BAIAP2L1: variants seen among roughly 807,000 people sequenced by gnomAD.
BAIAP2L1 encodes the protein BAR/IMD domain-containing adapter protein 2-like 1.
Under a neutral mutation model 66.3 loss-of-function variants are expected in BAIAP2L1, and 35 were observed. The observed-to-expected ratio is 0.53, with a 90% CI of 0.40 to 0.70. The LOEUF (loss-of-function observed/expected upper bound fraction) is 0.70. Ranked by LOEUF, BAIAP2L1 falls within the 30% of genes least tolerant of loss-of-function variation. The pLI, the probability that BAIAP2L1 is intolerant of heterozygous loss-of-function variation, is 0.00. For synonymous variants in BAIAP2L1, 269 were observed against 248.7 expected, an observed-to-expected ratio of 1.08 and a Z score of -0.77; for missense variants, 622 against 656.9, an observed-to-expected ratio of 0.95 and a Z score of 0.58.
In BAIAP2L1 at chr7:98,386,453, A is replaced by C. The variant is rs1229486908; in HGVS notation, c.51+14349T>G. On this transcript the variant is annotated intron_variant, in intron 1 of 13. Coordinates refer to ENST00000005260, the MANE Select transcript of BAIAP2L1 (RefSeq NM_018842.5). ...GGGTCCTGGTGACGAGCGTCTTTCC[A>C]ATATTTCTTATACTGAACATAGCAG... 17 of 1,597,202 alleles carry C rather than the reference A, an allele frequency of 1.1e-5. No individual in the cohort carries two copies. In the South Asian group the frequency reaches 1.8e-4, roughly 17 times the overall value.
At chr7:98,348,816 C>T (rs185928329) in intron 3 of BAIAP2L1, among the ~76,000 whole-genome samples, 1 of 152,324 alleles carries the variant, frequency 6.6e-6, no homozygotes, top group East Asian at 1.9e-4. Context: ...GAGTAAATAA[C>T]CCACTGCCGA....
chr7:98,293,209 GTTA>G lies in BAIAP2L1; in HGVS notation c.*309_*311del, dbSNP rs1800043425. On this transcript the variant is annotated 3_prime_UTR_variant, in exon 14 of 14. Coordinates refer to ENST00000005260, the MANE Select transcript of BAIAP2L1 (RefSeq NM_018842.5). ...GCATAGACTATCCCTTATTCTGGCTGTTATTAAGGAAAAAATTCATTTAAAAAA... is the reference window on the plus strand; with the variant it reads ...GCATAGACTATCCCTTATTCTGGCTGTTAAGGAAAAAATTCATTTAAAAAA... 9.8e-6 allele frequency: 3 copies of G among 307,676 alleles called. No individual in the cohort carries two copies. Among genetic ancestry groups the G allele is most frequent in the South Asian group, 7.2e-5 (1 of 13,982 alleles). The allele number at this position is 307,676 out of a possible 1,614,324, so 19.1% of individuals were successfully genotyped here.
rs569265271 is a variant in BAIAP2L1, at chr7:98,298,283, G to A, written c.1423-4172C>T. Among the ~76,000 whole-genome samples the A allele has an allele frequency of 3.1e-4, 47 of 151,936 alleles. No individual in the cohort carries two copies. The South Asian group carries it at 5.2e-3, about 17-fold the overall frequency. ...GTGTCACACGACCTGTAACTCACAG[G>A]AGCTGGATATAAAACCATGTATAAA... is the stretch of plus-strand genomic sequence containing the variant. On this transcript the variant is annotated intron_variant, in intron 12 of 13. Transcript: ENST00000005260.
At chr7:98,343,493 T>C (rs571280319) in intron 3 of BAIAP2L1, among the ~76,000 whole-genome samples, 3 of 152,250 alleles carry the variant, frequency 2.0e-5, no homozygotes, top group African/African-American at 7.2e-5. Flanking sequence ...GATTAAAATA[T>C]GTTACTGGCC....
chr7:98,360,987 G>A (rs1210718447), intron 2 of BAIAP2L1, among the ~76,000 whole-genome samples: 1 of 152,160 alleles, frequency 6.6e-6, no homozygotes, highest in Admixed American at 6.6e-5. Flanking sequence ...CCCTTTCCTG[G>A]GGCAGGTTCA....
chr7:98,395,849 A>G (rs1803194068), intron 1 of BAIAP2L1, among the ~76,000 whole-genome samples: 1 of 152,106 alleles, frequency 6.6e-6, no homozygotes, highest in South Asian at 2.1e-4. Context: ...TGGGCAACAC[A>G]GTGAGACACC....
In BAIAP2L1 at chr7:98,354,737, C is replaced by G. The variant is rs369521891; in HGVS notation, c.214+305G>C. Among the ~76,000 whole-genome samples the G allele has an allele frequency of 5.9e-4, 90 of 152,252 alleles. 1 individual carries two copies. The South Asian group carries it at 0.017, about 29-fold the overall frequency. ...GCCCGAGGCCCCAGGAGGCCCGGCT[C>G]GCCCATCAGGAATGTAGGTCAAACT... On this transcript the variant is annotated intron_variant, in intron 3 of 13. Coordinates refer to ENST00000005260, the MANE Select transcript of BAIAP2L1 (RefSeq NM_018842.5).
At chr7:98,369,519 G>A (rs1485114831) in intron 1 of BAIAP2L1, among the ~76,000 whole-genome samples, 2 of 152,098 alleles carry the variant, frequency 1.3e-5, no homozygotes, top group Non-Finnish European at 2.9e-5. Context: ...GAGGCTGGGT[G>A]TAGGTAAAAA....
At chr7:98,343,717 T>C (rs1194080153) in intron 3 of BAIAP2L1, among the ~76,000 whole-genome samples, 1 of 152,170 alleles carries the variant, frequency 6.6e-6, no homozygotes, top group African/African-American at 2.4e-5. Context: ...ATTATCCCAA[T>C]TGAAGCAAGC....
chr7:98,302,465 C>A (rs749722310), intron 12 of BAIAP2L1, among the ~76,000 whole-genome samples: 1 of 152,214 alleles, frequency 6.6e-6, no homozygotes, highest in Non-Finnish European at 1.5e-5. Context: ...TGGACGTCCA[C>A]ACGTGCCTCC....
chr7:98,388,046 A>T (rs1292039617), intron 1 of BAIAP2L1, among the ~76,000 whole-genome samples: 1 of 152,174 alleles, frequency 6.6e-6, no homozygotes, highest in East Asian at 1.9e-4. Flanking sequence ...GGTAATAAAC[A>T]GATGAAAATC....
At chr7:98,339,822 C>G (rs1801697736) in intron 3 of BAIAP2L1, among the ~76,000 whole-genome samples, 1 of 152,172 alleles carries the variant, frequency 6.6e-6, no homozygotes, top group Non-Finnish European at 1.5e-5. Context: ...AGTTAGAAAT[C>G]CACACCTATT....
intron 3 of BAIAP2L1, among the ~76,000 whole-genome samples, chr7:98,340,959 G>GTTTTTTTTT (rs72057720): frequency 1.5e-5 from 2 of 129,564 alleles, no homozygotes; most frequent in Non-Finnish European, 3.2e-5. Flanking sequence ...CAGCTAATTG[G>GTTTTTTTTT]TTTTTTTTTT....
chr7:98,368,833 A>G (rs1802446269), intron 1 of BAIAP2L1, among the ~76,000 whole-genome samples: 1 of 150,430 alleles, frequency 6.6e-6, no homozygotes, highest in Admixed American at 6.7e-5. Context: ...GTAGCATTCC[A>G]TGGTATGGAT....
intron 1 of BAIAP2L1, among the ~76,000 whole-genome samples, chr7:98,397,295 G>A (rs1215943267): frequency 1.4e-5 from 2 of 144,314 alleles, no homozygotes; most frequent in African/African-American, 5.2e-5. Context: ...TGCCACACCC[G>A]TTCTTCCTCC....
intron 1 of BAIAP2L1, among the ~76,000 whole-genome samples, chr7:98,377,543 G>T (rs1322707185): frequency 6.6e-6 from 1 of 152,136 alleles, no homozygotes; most frequent in African/African-American, 2.4e-5. Context: ...ACTAGGCCAG[G>T]CCCGGTGGCT....
At chr7:98,340,327 G>A (rs969075636) in intron 3 of BAIAP2L1, among the ~76,000 whole-genome samples, 8 of 151,958 alleles carry the variant, frequency 5.3e-5, no homozygotes, top group South Asian at 4.2e-4. Context: ...TTGCCTTGTC[G>A]CCCAGGCTGG....
chr7:98,369,356 G>A (rs1385850486), intron 1 of BAIAP2L1, among the ~76,000 whole-genome samples: 4 of 152,140 alleles, frequency 2.6e-5, no homozygotes, highest in African/African-American at 4.8e-5. Flanking sequence ...GGCGGTGGGT[G>A]CCTGTAGTCC....
At chr7:98,332,961 C>A (rs936257468) in intron 3 of BAIAP2L1, among the ~76,000 whole-genome samples, 6 of 152,016 alleles carry the variant, frequency 3.9e-5, no homozygotes, top group South Asian at 2.1e-4. Context: ...GTCTGCAGAC[C>A]TCATCCTCGC....
Sources: gnomAD v4.1 joint callset for allele counts (sites outside exome capture counted in the v4.1 genomes callset) on GRCh38, gnomAD v4.1.1 for gene constraint, MANE v1.5 for transcripts, NCBI Gene and HGNC (gene_info 2026-07-23, HGNC 2026-07-21) for gene names.